FRYL: variants seen among roughly 807,000 people sequenced by gnomAD.
The protein encoded by FRYL is FRY like transcription coactivator.
In FRYL, 150 loss-of-function variants were observed where a neutral mutation model predicts 351.2. That is an observed-to-expected ratio of 0.43 (90% confidence interval 0.37 to 0.49). The LOEUF (loss-of-function observed/expected upper bound fraction) is 0.49. Ranked by LOEUF, FRYL falls within the 20% of genes least tolerant of loss-of-function variation. The pLI, the probability that FRYL is intolerant of heterozygous loss-of-function variation, is 0.00. For missense variants in FRYL, 3,036 were observed against 3,619.3 expected, an observed-to-expected ratio of 0.84 and a Z score of 4.13; for synonymous variants, 1,153 against 1,257.1, an observed-to-expected ratio of 0.92 and a Z score of 1.75.
At chr4:48,620,617 C>T (rs1206558953) in intron 6 of FRYL, 22 bp downstream of exon 6, 1 of 1,590,210 alleles carries the variant, frequency 6.3e-7, no homozygotes, top group Non-Finnish European at 8.6e-7. Flanking sequence ...CCAGGTGAAA[C>T]AGTGTAAAAT....
Position 48,586,622 on chromosome 4 carries a change from T to C in FRYL, c.1747A>G (p.Arg583Gly). Reference sequence around the variant, plus strand: ...TAGCAAACAGTAATTCTCATTTACCTTGCTAACAATTCAATCAGGTCAGTT... The same window carrying C: ...TAGCAAACAGTAATTCTCATTTACCCTGCTAACAATTCAATCAGGTCAGTT... ...SRTDLIELLA[R>G]LTIHMDEELR... Residue 583 changes from arginine (R) to glycine (G), a missense_variant and splice_region_variant, in exon 19 of 64, where the codon AGG becomes GGG. Around this residue, in one of 7 missense-constraint regions of FRYL, gnomAD observed 78 missense variants for 106.6 expected, o/e 0.73. Transcript: ENST00000358350. 6.3e-7 allele frequency: 1 copy of C among 1,597,480 alleles called. No individual in the cohort carries two copies. Among genetic ancestry groups the C allele is most frequent in the Non-Finnish European group, 8.6e-7 (1 of 1,165,480 alleles).
chr4:48,730,790 C>T (rs1024396475), intron 1 of FRYL, among the ~76,000 whole-genome samples: 3 of 152,140 alleles, frequency 2.0e-5, no homozygotes, highest in Admixed American at 6.5e-5. Flanking sequence ...ACCATCAATG[C>T]TATGAAGAAA....
rs370906730 is a variant in FRYL, at chr4:48,730,987, C to T, written c.-383-20289G>A. On this transcript the variant is annotated intron_variant, in intron 1 of 63. Coordinates refer to ENST00000358350, the MANE Select transcript of FRYL (RefSeq NM_015030.2). Reference sequence around the variant, plus strand: ...TTGAAGAGAACCACATCACGTGCAACGCCACACATAGGCTCAAAATAAAGG... The same window carrying T: ...TTGAAGAGAACCACATCACGTGCAATGCCACACATAGGCTCAAAATAAAGG... Among the ~76,000 whole-genome samples the T allele has an allele frequency of 1.6e-3, 248 of 151,984 alleles. 1 individual carries two copies. The highest frequency in any genetic ancestry group is 5.3e-3 in the African/African-American group (220 of 41,430).
At chr4:48,681,095 T>A in intron 3 of FRYL, 1 of 1,265,210 alleles carries the variant, frequency 7.9e-7, no homozygotes, top group Non-Finnish European at 1.0e-6. Flanking sequence ...CCCGAAAGAA[T>A]GGGAGGAACA....
At position 48,531,223 on chromosome 4, in the gene FRYL, T is replaced by G; in HGVS notation, c.6836A>C (p.Lys2279Thr). ...DTGSPEISFT[K>T]IFNNVSKELP... The stretch of plus-strand genomic sequence containing the variant: ...CTCCTTAGAAACATTATTAAAAATT[T>G]TAGTGAAGGATATTTCAGGAGAACC... Residue 2279 changes from lysine to threonine, a missense_variant, in exon 50 of 64, where the codon AAA becomes ACA. This residue lies in a region of FRYL where 1,987 missense variants were observed against 2,311.7 expected (regional missense o/e 0.86). Coordinates refer to ENST00000358350, the MANE Select transcript of FRYL (RefSeq NM_015030.2). 4 of 1,612,672 alleles carry G rather than the reference T, an allele frequency of 2.5e-6. No homozygotes were observed. The highest frequency in any genetic ancestry group is 3.4e-6 in the Non-Finnish European group (4 of 1,178,780).
chr4:48,735,923 T>C (rs1419980510), intron 1 of FRYL, among the ~76,000 whole-genome samples: 1 of 114,500 alleles, frequency 8.7e-6, no homozygotes, highest in Non-Finnish European at 1.7e-5. Context: ...TATACATATG[T>C]AACTAACCTG....
intron 1 of FRYL, among the ~76,000 whole-genome samples, chr4:48,748,978 G>C (rs1435695733): frequency 6.6e-6 from 1 of 152,200 alleles, no homozygotes; most frequent in Non-Finnish European, 1.5e-5. Flanking sequence ...CTAGCCACAG[G>C]AAGGGTCAAG....
intron 36 of FRYL, among the ~76,000 whole-genome samples, chr4:48,552,012 C>T (rs1311604677): frequency 6.6e-6 from 1 of 152,134 alleles, no homozygotes; most frequent in Non-Finnish European, 1.5e-5. Flanking sequence ...GCTGTCTTTC[C>T]CCACTTCTAG....
chr4:48,589,066 G>A (rs954794839), intron 18 of FRYL, among the ~76,000 whole-genome samples: 1 of 152,130 alleles, frequency 6.6e-6, no homozygotes, highest in Non-Finnish European at 1.5e-5. Flanking sequence ...TAAATAAATT[G>A]AGATTAAATA....
intron 2 of FRYL, among the ~76,000 whole-genome samples, chr4:48,707,214 GA>G (rs1228541186): frequency 6.6e-6 from 1 of 152,062 alleles, no homozygotes; most frequent in East Asian, 1.9e-4. Flanking sequence ...TTTGCATCAT[GA>G]TTTTTTTATA....
intron 2 of FRYL, among the ~76,000 whole-genome samples, chr4:48,701,382 T>C (rs957984423): frequency 1.3e-5 from 2 of 152,258 alleles, no homozygotes; most frequent in Middle Eastern, 3.4e-3. Context: ...GGCAACACAA[T>C]GTATGCAGTA....
chr4:48,546,515 C>T, intron 41 of FRYL: 1 of 425,396 alleles, frequency 2.4e-6, no homozygotes, highest in Non-Finnish European at 4.2e-6. Context: ...CAGTCCTCTG[C>T]CGCCATCTGC....
At chr4:48,557,817 A>C in intron 33 of FRYL, 105 bp from the exon 34 acceptor site, 1 of 1,265,528 alleles carries the variant, frequency 7.9e-7, no homozygotes, top group Non-Finnish European at 1.1e-6. Context: ...CATTTTACTC[A>C]TTACACTTAA....
intron 19 of FRYL, among the ~76,000 whole-genome samples, chr4:48,583,183 G>A (rs992777899): frequency 2.0e-5 from 3 of 149,598 alleles, no homozygotes; most frequent in African/African-American, 7.4e-5. Context: ...ACAGAATCTC[G>A]CTCTGTCACC....
At chr4:48,560,039 T>C (rs1238513598) in intron 33 of FRYL, among the ~76,000 whole-genome samples, 1 of 151,780 alleles carries the variant, frequency 6.6e-6, no homozygotes, top group Non-Finnish European at 1.5e-5. Flanking sequence ...ACTGAGAATA[T>C]GGAATAGTGA....
At chr4:48,709,994 C>T (rs773179645) in intron 2 of FRYL, among the ~76,000 whole-genome samples, 14 of 152,172 alleles carry the variant, frequency 9.2e-5, no homozygotes, top group Non-Finnish European at 1.9e-4. Context: ...CCCTCACTAC[C>T]CCTATGTGTT....
At chr4:48,590,556 A>C in intron 17 of FRYL, 103 bp downstream of exon 17, 5 of 865,454 alleles carry the variant, frequency 5.8e-6, no homozygotes, top group Non-Finnish European at 5.2e-6. Context: ...ATACTAGAAA[A>C]ACCATATTAG....
At chr4:48,560,146 C>G (rs1447506767) in intron 33 of FRYL, among the ~76,000 whole-genome samples, 2 of 152,022 alleles carry the variant, frequency 1.3e-5, no homozygotes, top group Non-Finnish European at 2.9e-5. Context: ...GGAAGGGCCT[C>G]AGAGCTGACA....
At chr4:48,637,571 A>G (rs1754488203) in intron 3 of FRYL, 1 of 114,406 alleles carries the variant, frequency 8.7e-6, no homozygotes, top group Non-Finnish European at 1.8e-5. Context: ...ATTGCAATTC[A>G]AGCATTGAAT....
Sources: allele counts gnomAD v4.1 joint callset (sites outside exome capture counted in the v4.1 genomes callset), GRCh38; gene constraint gnomAD v4.1.1; regional missense constraint gnomAD v4.1.1; transcripts MANE v1.5; gene names NCBI Gene and HGNC (gene_info 2026-07-23, HGNC 2026-07-21).